AKAP9: variants seen among roughly 807,000 people sequenced by gnomAD.
The protein encoded by AKAP9 is A-kinase anchor protein 9.
AKAP9 carries 311 observed loss-of-function variants against 488.5 expected under a neutral mutation model. That is an observed-to-expected ratio of 0.64 (90% CI 0.58 to 0.70). The LOEUF (loss-of-function observed/expected upper bound fraction) is 0.70. Among genes scored for constraint, AKAP9 ranks in the 30% least tolerant of loss-of-function variants. The pLI, the probability that AKAP9 is intolerant of heterozygous loss-of-function variation, is 0.00. For missense variants in AKAP9, 4,215 were observed against 4,374.5 expected (o/e 0.96, Z 1.03); for synonymous variants, 1,462 against 1,483.5 (o/e 0.99, Z 0.33).
At chr7:92,077,088 A>C (rs368842550) in intron 29 of AKAP9, 81 bp downstream of exon 29, 1 of 280,058 alleles carries the variant, frequency 3.6e-6, no homozygotes, top group Non-Finnish European at 4.9e-6. Flanking sequence ...TATTATTATT[A>C]TTTCTTTCTT....
At chr7:92,070,304 A>G (rs2130842021) in intron 27 of AKAP9, 98 bp downstream of exon 27, 2 of 1,290,148 alleles carry the variant, frequency 1.6e-6, no homozygotes, top group South Asian at 2.4e-5. Context: ...TTATGTTTAT[A>G]TCTCTGTTGA....
rs1336786674 is a variant in AKAP9, at chr7:92,070,941, A to G, written c.6544A>G (p.Lys2182Glu). ...DRKHFGAVEA[K>E]PELSLEVQLQ... ...AAAACACTTTGGAGCTGTAGAAGCT[A>G]AACCAGAATTGTCCCTAGAAGTACA... is the stretch of plus-strand genomic sequence containing the variant. Residue 2182 changes from lysine to glutamate, a missense_variant, in exon 28 of 50, where the codon AAA becomes GAA. Physicochemically the swap from Lys to Glu is moderately conservative, Grantham distance 56. Around this residue, in one of 5 missense-constraint regions of AKAP9, gnomAD observed 2,361 missense variants for 2,430.0 expected, o/e 0.97. Transcript: ENST00000356239. 6.2e-7 allele frequency: 1 copy of G among 1,614,088 alleles called. No homozygotes were observed. Among genetic ancestry groups the G allele is most frequent in the East Asian group, 2.2e-5 (1 of 44,870 alleles).
chr7:92,052,682 G>T, intron 21 of AKAP9, 44 bp from the exon 22 acceptor site: 1 of 1,318,498 alleles, frequency 7.6e-7, no homozygotes, highest in Non-Finnish European at 1.1e-6. Flanking sequence ...AAAAAATTAT[G>T]ATTATTATAA....
intron 48 of AKAP9, chr7:92,107,886 G>A (rs1449251141): frequency 5.7e-6 from 1 of 174,370 alleles, no homozygotes; most frequent in Non-Finnish European, 1.2e-5. Context: ...AGGCATGGTG[G>A]TGGGTGCCTG....
Position 91,958,883 on chromosome 7 carries a change from T to C in AKAP9, c.49-14828T>C, listed in dbSNP as rs141859759. ...ATTTTTTTTTTGAAAACATCATTATTATTATTATTATTATTATTTGAGACA... is the reference window on the plus strand; with the variant it reads ...ATTTTTTTTTTGAAAACATCATTATCATTATTATTATTATTATTTGAGACA... On this transcript the variant is annotated intron_variant, in intron 1 of 49. Coordinates refer to ENST00000356239, the MANE Select transcript of AKAP9 (RefSeq NM_005751.5). Among the ~76,000 whole-genome samples, 645 of 151,474 alleles carry C rather than the reference T, an allele frequency of 4.3e-3. 2 individuals are homozygous for C. Among genetic ancestry groups the C allele is most frequent in the Middle Eastern group, 6.8e-3 (2 of 292 alleles).
chr7:92,013,888 AAC>A (rs1491418689), intron 9 of AKAP9, among the ~76,000 whole-genome samples: 6 of 150,968 alleles, frequency 4.0e-5, no homozygotes, highest in African/African-American at 1.5e-4. Flanking sequence ...TAAAAAAAAA[AAC>A]AAAGTAGAAC....
At chr7:92,080,324 C>T (rs1365286633) in intron 31 of AKAP9, among the ~76,000 whole-genome samples, 172 bp downstream of exon 31, 2 of 152,098 alleles carry the variant, frequency 1.3e-5, no homozygotes, top group South Asian at 2.1e-4. Context: ...CTAGGACAGG[C>T]GCGGTGGCCC....
At chr7:92,039,489 C>T (rs983191667) in intron 17 of AKAP9, among the ~76,000 whole-genome samples, 1 of 152,146 alleles carries the variant, frequency 6.6e-6, no homozygotes, top group Non-Finnish European at 1.5e-5. Flanking sequence ...AAAGATTTTA[C>T]TATCTATATC....
chr7:91,969,582 G>A (rs1348710741), intron 1 of AKAP9, among the ~76,000 whole-genome samples: 1 of 151,954 alleles, frequency 6.6e-6, no homozygotes, highest in Non-Finnish European at 1.5e-5. Flanking sequence ...TTATACTTGG[G>A]GCTCTGGTGC....
intron 27 of AKAP9, among the ~76,000 whole-genome samples, 195 bp downstream of exon 27, chr7:92,070,401 GTTGTTTTGTTTTGTTTTGTTTTGTT>G (rs71528034): frequency 2.1e-5 from 3 of 145,544 alleles, no homozygotes; most frequent in East Asian, 4.1e-4. Flanking sequence ...TGTTGTTGTT[GTTGTTTTGTTTTGTTTTGTTTTGTT>G]TTGTTTTGTT....
chr7:92,051,539 T>G (rs895697364), intron 21 of AKAP9, among the ~76,000 whole-genome samples: 2 of 152,162 alleles, frequency 1.3e-5, no homozygotes, highest in African/African-American at 2.4e-5. Flanking sequence ...AAAATGCAAT[T>G]TTGGGCTCTA....
chr7:91,983,936 C>T (rs1407397323), intron 3 of AKAP9, among the ~76,000 whole-genome samples: 2 of 152,184 alleles, frequency 1.3e-5, no homozygotes, highest in Non-Finnish European at 2.9e-5. Flanking sequence ...TGAATGTCTT[C>T]TTTTGAGAAG....
Position 92,002,930 on chromosome 7 carries a change from A to G in AKAP9, c.3013A>G (p.Arg1005Gly). 6.2e-7 allele frequency: 1 copy of G among 1,611,876 alleles called. No homozygotes were observed. The highest frequency in any genetic ancestry group is 8.5e-7 in the Non-Finnish European group (1 of 1,179,284). The change falls in exon 8 of 50, where the codon AGG (arginine) becomes GGG (glycine). Residue 1005 changes from arginine to glycine, a missense_variant. By Grantham distance (125) the Arg-to-Gly change is moderately radical. Around this residue, in one of 5 missense-constraint regions of AKAP9, gnomAD observed 2,361 missense variants for 2,430.0 expected, o/e 0.97. Coordinates refer to ENST00000356239, the MANE Select transcript of AKAP9 (RefSeq NM_005751.5). Reference protein sequence around the residue: ...RELEIIINHNRAENVQSCDTQ... With the variant: ...RELEIIINHNGAENVQSCDTQ... ...GCTAGAAATCATTATTAACCACAACAGGGCAGAAAATGTACAGTCATGTGA... is the reference window on the plus strand; with the variant it reads ...GCTAGAAATCATTATTAACCACAACGGGGCAGAAAATGTACAGTCATGTGA...
At chr7:92,015,551 A>G (rs986143848) in intron 10 of AKAP9, among the ~76,000 whole-genome samples, 3 of 151,860 alleles carry the variant, frequency 2.0e-5, no homozygotes, top group Non-Finnish European at 1.5e-5. Flanking sequence ...TTTAGTAGAG[A>G]TGGGGTTTTG....
At chr7:91,950,174 A>G (rs1792012374) in intron 1 of AKAP9, among the ~76,000 whole-genome samples, 1 of 149,726 alleles carries the variant, frequency 6.7e-6, no homozygotes, top group South Asian at 2.1e-4. Flanking sequence ...GTTTACTAGG[A>G]TTGCTCATTG....
intron 10 of AKAP9, among the ~76,000 whole-genome samples, 195 bp from the exon 11 acceptor site, chr7:92,015,934 T>C (rs1003098766): frequency 2.1e-4 from 32 of 152,300 alleles, no homozygotes; most frequent in Admixed American, 1.8e-3. Flanking sequence ...CTTCCTGATA[T>C]AAGAAGATTT....
At chr7:92,073,451 A>G (rs1584431927) in intron 28 of AKAP9, among the ~76,000 whole-genome samples, 1 of 152,114 alleles carries the variant, frequency 6.6e-6, no homozygotes, top group East Asian at 1.9e-4. Context: ...GCTTGCAGTG[A>G]GCCAAGATCA....
chr7:91,987,603 A>G (rs939913344), intron 3 of AKAP9, among the ~76,000 whole-genome samples: 1 of 152,166 alleles, frequency 6.6e-6, no homozygotes, highest in African/African-American at 2.4e-5. Context: ...TATTTGGTGA[A>G]ATGTTTGATA....
At chr7:92,004,070 T>C (rs1562964928) in intron 8 of AKAP9, among the ~76,000 whole-genome samples, 1 of 152,154 alleles carries the variant, frequency 6.6e-6, no homozygotes, top group Non-Finnish European at 1.5e-5. Flanking sequence ...TAGTGAGAAA[T>C]AGTGATAAAT....
Sources: allele counts gnomAD v4.1 joint callset (sites outside exome capture counted in the v4.1 genomes callset), GRCh38; gene constraint gnomAD v4.1.1; regional missense constraint gnomAD v4.1.1; transcripts MANE v1.5; gene names NCBI Gene and HGNC (gene_info 2026-07-23, HGNC 2026-07-21).